EIF4G3: variants seen among roughly 807,000 people sequenced by gnomAD.
The protein encoded by EIF4G3 is eIF-4-gamma 3.
Under a neutral mutation model 186.4 loss-of-function variants are expected in EIF4G3, and 34 were observed. That is an observed-to-expected ratio of 0.18 (90% CI 0.14 to 0.24). The LOEUF (loss-of-function observed/expected upper bound fraction) is 0.24. EIF4G3 is among the 10% of genes least tolerant of loss of function. EIF4G3 has a pLI of 1.00. For synonymous variants in EIF4G3, 673 were observed against 679.5 expected (o/e 0.99, Z 0.15); for missense variants, 1,536 against 1,948.5 (o/e 0.79, Z 3.99).
chr1:20,968,557 A>G (rs1263034981), intron 12 of EIF4G3, among the ~76,000 whole-genome samples: 1 of 152,178 alleles, frequency 6.6e-6, no homozygotes, highest in Non-Finnish European at 1.5e-5. Context: ...CCTCTACAAT[A>G]TCTTGATTTC....
intron 4 of EIF4G3, among the ~76,000 whole-genome samples, chr1:21,020,988 T>C (rs999207035): frequency 4.1e-5 from 5 of 120,724 alleles, no homozygotes; most frequent in African/African-American, 1.5e-4. Flanking sequence ...TATTTATGTA[T>C]TTATTTTAAT....
intron 4 of EIF4G3, among the ~76,000 whole-genome samples, chr1:21,041,868 C>T (rs1158466852): frequency 1.3e-5 from 2 of 152,010 alleles, no homozygotes; most frequent in Admixed American, 6.5e-5. Flanking sequence ...AGACTTAGCC[C>T]TTCGTGTTAC....
At position 20,950,124 on chromosome 1, in the gene EIF4G3, G is replaced by A; in HGVS notation, c.715-13C>T. On this transcript the variant is annotated splice_polypyrimidine_tract_variant and intron_variant, in intron 12 of 36. Coordinates refer to ENST00000602326, the MANE Select transcript of EIF4G3 (RefSeq NM_001391906.1). ...GGCTGGGCAGCTGCTGGGATTTGAA[G>A]TACAAAAAAGGGTGATAATGAGCGT... The A allele has an allele frequency of 1.9e-6, 3 of 1,561,834 alleles. No homozygotes were observed. Among genetic ancestry groups the A allele is most frequent in the South Asian group, 2.4e-5 (2 of 83,122 alleles).
chr1:21,117,736 T>TAAAAA (rs71014156), intron 2 of EIF4G3, among the ~76,000 whole-genome samples: 156 of 73,074 alleles, frequency 2.1e-3, no homozygotes, highest in East Asian at 9.1e-3. Context: ...CAGTATATAG[T>TAAAAA]AAAAAAAAAA....
At chr1:20,972,099 C>A (rs2076016110) in intron 11 of EIF4G3, among the ~76,000 whole-genome samples, 1 of 152,170 alleles carries the variant, frequency 6.6e-6, no homozygotes, top group East Asian at 1.9e-4. Context: ...TACAATTTTT[C>A]TGCCATTTGA....
chr1:20,906,526 A>C (rs1036233577), intron 14 of EIF4G3, among the ~76,000 whole-genome samples: 1 of 152,204 alleles, frequency 6.6e-6, no homozygotes, highest in Non-Finnish European at 1.5e-5. Flanking sequence ...ATATAAGCTC[A>C]AAAGGAACTT....
chr1:20,954,584 C>T (rs1180013512), intron 12 of EIF4G3, among the ~76,000 whole-genome samples: 1 of 137,362 alleles, frequency 7.3e-6, no homozygotes. Flanking sequence ...ATATACTTAA[C>T]GATGCCAGGA....
At chr1:20,917,888 A>C (rs1039909618) in intron 14 of EIF4G3, among the ~76,000 whole-genome samples, 1 of 152,282 alleles carries the variant, frequency 6.6e-6, no homozygotes, top group Admixed American at 6.5e-5. Context: ...CTGACATAAA[A>C]ACATTTCTAT....
At chr1:20,935,574 T>A (rs1480067737) in intron 14 of EIF4G3, among the ~76,000 whole-genome samples, 7 of 152,260 alleles carry the variant, frequency 4.6e-5, no homozygotes, top group Non-Finnish European at 1.0e-4. Context: ...TAAGGATACA[T>A]AATAGTCATA....
chr1:21,174,602 C>A (rs7512116), intron 2 of EIF4G3: 56,136 of 152,076 alleles, frequency 0.37, 11,000 homozygotes, highest in Non-Finnish European at 0.43. Flanking sequence ...TTTAAACTCA[C>A]AAAGTAGTAA....
rs190733743 is a variant in EIF4G3 at position 21,073,356 on chromosome 1, T to C, written c.-196+15782A>G. Reference sequence around the variant, plus strand: ...TTAAATTAATGAAAATTAAATAAAATTTAAAATTCAGGTCCTTAATTGCAT... The same window carrying C: ...TTAAATTAATGAAAATTAAATAAAACTTAAAATTCAGGTCCTTAATTGCAT... On this transcript the variant is annotated intron_variant, in intron 3 of 36. Transcript: ENST00000602326. Among the ~76,000 whole-genome samples, 6 of 152,274 alleles carry C rather than the reference T, an allele frequency of 3.9e-5. No individual in the cohort carries two copies. The East Asian group carries it at 1.2e-3, about 29-fold the overall frequency.
At chr1:20,874,457 C>T (rs12749860) in intron 20 of EIF4G3, among the ~76,000 whole-genome samples, 4,268 of 152,064 alleles carry the variant, frequency 0.028, 92 homozygotes, top group Middle Eastern at 0.051. Flanking sequence ...ATTTGTTGGC[C>T]GCGTAAATGT....
chr1:20,994,845 C>T (rs1329400824), intron 7 of EIF4G3, among the ~76,000 whole-genome samples: 1 of 151,944 alleles, frequency 6.6e-6, no homozygotes, highest in Non-Finnish European at 1.5e-5. Flanking sequence ...CGCCATGTTG[C>T]TCAGGCTGAT....
intron 13 of EIF4G3, among the ~76,000 whole-genome samples, chr1:20,946,779 G>C (rs977360310): frequency 3.9e-5 from 6 of 152,088 alleles, no homozygotes; most frequent in South Asian, 4.1e-4. Flanking sequence ...GTCTGAGAAT[G>C]ATTTCAAATC....
chr1:21,018,879 T>C (rs2089968417), intron 4 of EIF4G3, among the ~76,000 whole-genome samples: 2 of 152,180 alleles, frequency 1.3e-5, no homozygotes, highest in South Asian at 4.2e-4. Flanking sequence ...GGTCTGGCAA[T>C]ATGCTTCTTG....
At chr1:21,037,209 A>G (rs1037970294) in intron 4 of EIF4G3, among the ~76,000 whole-genome samples, 6 of 151,372 alleles carry the variant, frequency 4.0e-5, no homozygotes, top group Non-Finnish European at 8.8e-5. Context: ...TGAACTGTAC[A>G]AAATTAACAG....
intron 33 of EIF4G3, among the ~76,000 whole-genome samples, chr1:20,821,104 C>T (rs574017385): frequency 2.0e-5 from 3 of 152,278 alleles, no homozygotes; most frequent in South Asian, 4.2e-4. Context: ...CCAAAAAAAT[C>T]GACACTCCAG....
intron 2 of EIF4G3, among the ~76,000 whole-genome samples, chr1:21,093,777 A>AG (rs2096273192): frequency 6.6e-6 from 1 of 152,160 alleles, no homozygotes; most frequent in African/African-American, 2.4e-5. Flanking sequence ...TGCAGCCATA[A>AG]AAAAGGATGA....
At chr1:20,995,211 C>A (rs1019144770) in intron 7 of EIF4G3, among the ~76,000 whole-genome samples, 26 of 152,244 alleles carry the variant, frequency 1.7e-4, no homozygotes, top group African/African-American at 6.0e-4. Context: ...AATACAATAT[C>A]CTAATTTTAG....
Sources: allele counts gnomAD v4.1 joint callset (sites outside exome capture counted in the v4.1 genomes callset), GRCh38; gene constraint gnomAD v4.1.1; transcripts MANE v1.5; gene names NCBI Gene and HGNC (gene_info 2026-07-23, HGNC 2026-07-21).